The following PDCL3 variants were observed in gnomAD, a reference collection of about 807,000 sequenced individuals.
PDCL3 encodes the protein phosducin like 3.
Under a neutral mutation model 26.5 loss-of-function variants are expected in PDCL3, and 22 were observed. That is an observed-to-expected ratio of 0.83 (90% CI 0.59 to 1.19). The LOEUF is 1.19. Ranked by LOEUF, PDCL3 falls within the 50% of genes most tolerant of loss-of-function variation. The pLI, the probability that PDCL3 is intolerant of heterozygous loss-of-function variation, is 0.00. For missense variants in PDCL3, 246 were observed against 294.1 expected (o/e 0.84, Z 1.20); for synonymous variants, 81 against 104.9 (o/e 0.77, Z 1.39).
chr2:100,575,720 T>G (rs993044782), intron 5 of PDCL3, among the ~76,000 whole-genome samples: 1 of 152,170 alleles, frequency 6.6e-6, no homozygotes, highest in Non-Finnish European at 1.5e-5. Context: ...AGTTCTAGGG[T>G]ATCACCATAC....
Position 100,571,813 on chromosome 2 carries a change from A to G in PDCL3, c.577+15A>G. ...GACAAGAGATGGTAAGGGCTCTGGG[A>G]GACAGGCGGGGCAGTGAGAGATGGG... On this transcript the variant is annotated intron_variant, in intron 5 of 5. Transcript: ENST00000264254. 1 of 1,613,480 alleles carries G rather than the reference A, an allele frequency of 6.2e-7. No individual in the cohort carries two copies. The highest frequency in any genetic ancestry group is 8.5e-7 in the Non-Finnish European group (1 of 1,179,444).
At chr2:100,576,091 T>G (rs1056354012) in intron 5 of PDCL3, among the ~76,000 whole-genome samples, 1 of 152,074 alleles carries the variant, frequency 6.6e-6, no homozygotes, top group Non-Finnish European at 1.5e-5. Flanking sequence ...ACTTTTATTT[T>G]TATTGTTGAG....
At chr2:100,564,763 G>A (rs1180094711) in intron 1 of PDCL3, among the ~76,000 whole-genome samples, 3 of 152,164 alleles carry the variant, frequency 2.0e-5, no homozygotes, top group African/African-American at 7.2e-5. Flanking sequence ...GGGCAGCTGG[G>A]TTCTAGATCT....
At chr2:100,564,459 G>T (rs969197539) in intron 1 of PDCL3, among the ~76,000 whole-genome samples, 2 of 152,102 alleles carry the variant, frequency 1.3e-5, no homozygotes, top group African/African-American at 2.4e-5. Flanking sequence ...ACCACTCCCG[G>T]GTAATTTTTT....
At chr2:100,566,360 C>CT (rs1675059115) in intron 1 of PDCL3, 143 bp from the exon 2 acceptor site, 1 of 1,124,682 alleles carries the variant, frequency 8.9e-7, no homozygotes, top group African/African-American at 1.6e-5. Flanking sequence ...GGCTATGGAT[C>CT]TTTTGACACT....
intron 1 of PDCL3, among the ~76,000 whole-genome samples, 156 bp from the exon 2 acceptor site, chr2:100,566,347 G>T (rs1031097422): frequency 6.6e-6 from 1 of 152,042 alleles, no homozygotes; most frequent in Non-Finnish European, 1.5e-5. Context: ...AAAACAAAAC[G>T]GGGGCTATGG....
At chr2:100,564,957 T>C (rs938442846) in intron 1 of PDCL3, among the ~76,000 whole-genome samples, 5 of 152,244 alleles carry the variant, frequency 3.3e-5, no homozygotes, top group Non-Finnish European at 5.9e-5. Flanking sequence ...TGAGCTACTC[T>C]GAGACGTCTC....
Position 100,569,550 on chromosome 2 carries a change from A to G in PDCL3, c.225-28A>G, listed in dbSNP as rs74933860. 9.6e-3 allele frequency: 15,527 copies of G among 1,610,798 alleles called. 93 individuals carry two copies. The highest frequency in any genetic ancestry group is 0.012 in the Middle Eastern group (58 of 4,714). ...GTGTGTGTACACGTGTTTGTGACGT[A>G]AGATGTTTCTCTCCTTGTTTTGTGC... is the stretch of plus-strand genomic sequence containing the variant. On this transcript the variant is annotated intron_variant, in intron 3 of 5. Transcript: ENST00000264254.
At chr2:100,566,780 C>T in intron 2 of PDCL3, 151 bp downstream of exon 2, 2 of 1,152,918 alleles carry the variant, frequency 1.7e-6, no homozygotes, top group Non-Finnish European at 2.4e-6. Context: ...CTCTCACCTT[C>T]ACCTTCCTGA....
At chr2:100,575,283 C>T (rs947585567) in intron 5 of PDCL3, among the ~76,000 whole-genome samples, 3 of 152,146 alleles carry the variant, frequency 2.0e-5, no homozygotes, top group Non-Finnish European at 1.5e-5. Flanking sequence ...CTACAGGCAC[C>T]TGCCACCATG....
chr2:100,576,599 A>G lies in PDCL3; in HGVS notation c.*103A>G, dbSNP rs1675292247. 1 of 1,184,390 alleles carries G rather than the reference A, an allele frequency of 8.4e-7. No individual in the cohort carries two copies. The highest frequency in any genetic ancestry group is 3.7e-5 in the Admixed American group (1 of 26,824). The allele number at this position is 1,184,390 out of a possible 1,614,324, so 73.4% of individuals were successfully genotyped here. ...GAATCCTTGTGGTTTTTAGTTTTGT[A>G]TAAATTATGTTTCAAATCTTTACAT... On this transcript the variant is annotated 3_prime_UTR_variant, in exon 6 of 6. Coordinates refer to ENST00000264254, the MANE Select transcript of PDCL3 (RefSeq NM_024065.5).
rs1675055129 is a variant in PDCL3, at chr2:100,566,122, C to G, written c.7-381C>G. Among the ~76,000 whole-genome samples the G allele has an allele frequency of 2.6e-5, 4 of 152,206 alleles. No individual in the cohort carries two copies. The South Asian group carries it at 8.3e-4, about 32-fold the overall frequency. ...GTTTCACCGTGTTAGTCAGGATGGT[C>G]TCTATCTCCTGACCTCGTGATCCGC... On this transcript the variant is annotated intron_variant, in intron 1 of 5. Transcript: ENST00000264254.
intron 5 of PDCL3, among the ~76,000 whole-genome samples, chr2:100,575,347 G>A (rs1026646137): frequency 1.6e-4 from 24 of 152,158 alleles, no homozygotes; most frequent in African/African-American, 5.3e-4. Context: ...GTGTTAGCCA[G>A]GATGGTCTCG....
rs1187017656 is a variant in PDCL3, at chr2:100,563,196, G to GGCGCGTCCAGGCCCT, written c.6+128_6+142dup. On this transcript the variant is annotated intron_variant, in intron 1 of 5. Transcript: ENST00000264254. ...GGCGCCGCAGGCACGAGGGAGGCCC[G>GGCGCGTCCAGGCCCT]GCGCGTCCAGGCCCTGCGCAGGCGC... 25 of 1,248,898 alleles carry GGCGCGTCCAGGCCCT rather than the reference G, an allele frequency of 2.0e-5. No individual in the cohort carries two copies. The African/African-American group carries it at 2.0e-4, about 10-fold the overall frequency. The allele number at this position is 1,248,898 out of a possible 1,614,324, so 77.4% of individuals were successfully genotyped here. A position where few individuals can be genotyped will look rare whatever the true frequency, so the allele number is the denominator to read the frequency against.
chr2:100,568,904 G>T, intron 2 of PDCL3, 27 bp from the exon 3 acceptor site: 1 of 1,573,022 alleles, frequency 6.4e-7, no homozygotes, highest in African/African-American at 1.4e-5. Context: ...TTAAATTTTT[G>T]CTTTTTGCCA....
chr2:100,567,397 C>G (rs895378639), intron 2 of PDCL3, among the ~76,000 whole-genome samples: 2 of 152,048 alleles, frequency 1.3e-5, no homozygotes, highest in Non-Finnish European at 2.9e-5. Context: ...AACCAACATT[C>G]AAGTGGGGGA....
intron 5 of PDCL3, among the ~76,000 whole-genome samples, chr2:100,575,352 G>T (rs189661408): frequency 3.3e-5 from 5 of 152,102 alleles, no homozygotes; most frequent in Admixed American, 2.6e-4. Flanking sequence ...AGCCAGGATG[G>T]TCTCGATCTC....
chr2:100,576,415 G>C lies in PDCL3; in HGVS notation c.639G>C (p.Lys213Asn). 6.2e-7 allele frequency: 1 copy of C among 1,613,970 alleles called. No individual in the cohort carries two copies. Among genetic ancestry groups the C allele is most frequent in the Non-Finnish European group, 8.5e-7 (1 of 1,179,878 alleles). The change falls in exon 6 of 6, where the codon AAG becomes AAC. Residue 213 changes from lysine to asparagine, a missense_variant. Transcript: ENST00000264254. Reference protein sequence around the residue: ...AIMTDLEENPKKPIEDVLLSS... With the variant: ...AIMTDLEENPNKPIEDVLLSS... ...TGACAGACCTGGAGGAAAACCCTAA[G>C]AAGCCGATTGAAGACGTGTTGCTGT... is the stretch of plus-strand genomic sequence containing the variant.
intron 1 of PDCL3, among the ~76,000 whole-genome samples, chr2:100,565,701 AAAATGGCAGC>A (rs1176715490): frequency 6.6e-6 from 1 of 152,172 alleles, no homozygotes; most frequent in East Asian, 1.9e-4. Flanking sequence ...GTAATTCTCT[AAAATGGCAGC>A]CTGTTTGTCA....
Sources: gnomAD v4.1 joint callset for allele counts (sites outside exome capture counted in the v4.1 genomes callset) on GRCh38, gnomAD v4.1.1 for gene constraint, MANE v1.5 for transcripts, NCBI Gene and HGNC (gene_info 2026-07-23, HGNC 2026-07-21) for gene names.